OTOGL: variants seen among roughly 807,000 people sequenced by gnomAD.
The protein encoded by OTOGL is otogelin like.
In OTOGL, 285 loss-of-function variants were observed where a neutral mutation model predicts 318.5. The observed-to-expected ratio is 0.89, with a 90% CI of 0.81 to 0.99. The LOEUF (loss-of-function observed/expected upper bound fraction) is 0.99, where lower values mean the gene tolerates loss of function less well. Ranked by LOEUF, OTOGL falls within the 50% of genes least tolerant of loss-of-function variation. OTOGL has a pLI of 0.00. For synonymous variants in OTOGL, 987 were observed against 936.5 expected, an observed-to-expected ratio of 1.05 and a Z score of -0.99; for missense variants, 2,899 against 2,845.6, an observed-to-expected ratio of 1.02 and a Z score of -0.43.
At chr12:80,135,240 T>C (rs1871476920) in intron 1 of OTOGL, among the ~76,000 whole-genome samples, 1 of 112,334 alleles carries the variant, frequency 8.9e-6, no homozygotes, top group Non-Finnish European at 2.0e-5. Flanking sequence ...ATTTTTTATT[T>C]CTTGAGCCCC....
chr12:80,362,741 G>A (rs1257717913), intron 52 of OTOGL, among the ~76,000 whole-genome samples: 2 of 152,110 alleles, frequency 1.3e-5, no homozygotes, highest in Non-Finnish European at 2.9e-5. Flanking sequence ...AAGCTTGGAA[G>A]AATGTGATAG....
intron 17 of OTOGL, among the ~76,000 whole-genome samples, chr12:80,257,347 A>G (rs1168533658): frequency 6.6e-6 from 1 of 151,294 alleles, no homozygotes; most frequent in Non-Finnish European, 1.5e-5. Flanking sequence ...AACAGTGTAG[A>G]AGTGACTTTG....
Position 80,276,316 on chromosome 12 carries a change from A to T in OTOGL, c.2682-1852A>T, listed in dbSNP as rs993376085. On this transcript the variant is annotated intron_variant, in intron 24 of 58. Coordinates refer to ENST00000547103, the MANE Select transcript of OTOGL (RefSeq NM_001378609.3). Reference sequence around the variant, plus strand: ...ATTAGATAATAATAGAATCTACCTTAGGGGACTGTCACTAGGATAAGATCA... The same window carrying T: ...ATTAGATAATAATAGAATCTACCTTTGGGGACTGTCACTAGGATAAGATCA... 1.1e-4 allele frequency among the ~76,000 whole-genome samples: 16 copies of T among 151,936 alleles called. 1 individual carries two copies. Among genetic ancestry groups the T allele is most frequent in the African/African-American group, 3.9e-4 (16 of 41,518 alleles).
chr12:80,135,258 C>CCCTCT, intron 1 of OTOGL, among the ~76,000 whole-genome samples: 1 of 106,270 alleles, frequency 9.4e-6, no homozygotes, highest in Non-Finnish European at 2.0e-5. Context: ...CCCTCCCCTC[C>CCCTCT]CCTCCCCTCC....
chr12:80,229,832 G>T (rs1460014042), intron 8 of OTOGL, among the ~76,000 whole-genome samples: 1 of 152,018 alleles, frequency 6.6e-6, no homozygotes, highest in Non-Finnish European at 1.5e-5. Flanking sequence ...AATGGGTTTT[G>T]GGTGTCACTT....
chr12:80,372,132 T>A, intron 57 of OTOGL, 68 bp downstream of exon 57: 1 of 1,111,812 alleles, frequency 9.0e-7, no homozygotes, highest in Admixed American at 3.0e-5. Flanking sequence ...TGATTATGGT[T>A]TTTCTCACAA....
chr12:80,118,682 A>G (rs1401347408), intron 1 of OTOGL, among the ~76,000 whole-genome samples: 1 of 152,188 alleles, frequency 6.6e-6, no homozygotes, highest in African/African-American at 2.4e-5. Context: ...TACTAATAAC[A>G]GAGTTGGAGA....
intron 43 of OTOGL, 32 bp downstream of exon 43, chr12:80,339,296 CTGTTTTTTTT>C: frequency 2.3e-6 from 1 of 434,296 alleles, no homozygotes; most frequent in Non-Finnish European, 3.3e-6. Context: ...TTGATTTCGT[CTGTTTTTTTT>C]TTTTTTTTTT....
At chr12:80,312,035 A>G (rs952048118) in intron 30 of OTOGL, among the ~76,000 whole-genome samples, 5 of 152,222 alleles carry the variant, frequency 3.3e-5, no homozygotes, top group African/African-American at 1.2e-4. Flanking sequence ...AGGGCGAAAT[A>G]AAAAACAATT....
chr12:80,149,882 G>A (rs1043838832), intron 1 of OTOGL, among the ~76,000 whole-genome samples: 1 of 152,148 alleles, frequency 6.6e-6, no homozygotes, highest in African/African-American at 2.4e-5. Flanking sequence ...TGCACTTCCC[G>A]AGTGAGGCAA....
At chr12:80,343,295 C>A (rs1888903186) in intron 44 of OTOGL, among the ~76,000 whole-genome samples, 1 of 152,010 alleles carries the variant, frequency 6.6e-6, no homozygotes, top group Non-Finnish European at 1.5e-5. Context: ...GTTCCAGGAC[C>A]TTCACAGATA....
Position 80,265,221 on chromosome 12 carries a change from T to A in OTOGL, c.2224+11T>A. On this transcript the variant is annotated intron_variant, in intron 20 of 58. Transcript: ENST00000547103. The stretch of plus-strand genomic sequence containing the variant: ...AGATTTCTTTCTGTGGTGAGTACAA[T>A]GGCACAGATAAAGACTATCAGATAA... 1 of 1,605,972 alleles carries A rather than the reference T, an allele frequency of 6.2e-7. No homozygotes were observed.
chr12:80,249,615 T>C (rs1481881308), intron 11 of OTOGL, among the ~76,000 whole-genome samples: 2 of 152,012 alleles, frequency 1.3e-5, no homozygotes, highest in Non-Finnish European at 2.9e-5. Context: ...CTGCTGTCTT[T>C]TTGTTTGTCT....
chr12:80,312,355 G>A (rs1565976188), intron 30 of OTOGL, among the ~76,000 whole-genome samples: 1 of 152,114 alleles, frequency 6.6e-6, no homozygotes, highest in African/African-American at 2.4e-5. Flanking sequence ...ATGTAAAACA[G>A]TGCACTCTTT....
At chr12:80,342,281 G>A in intron 44 of OTOGL, 119 bp downstream of exon 44, 1 of 710,114 alleles carries the variant, frequency 1.4e-6, no homozygotes, top group Admixed American at 3.2e-5. Flanking sequence ...CCAACCTTCT[G>A]TCAGTATGCT....
chr12:80,356,543 T>C, intron 48 of OTOGL, 23 bp downstream of exon 48: 1 of 1,517,546 alleles, frequency 6.6e-7, no homozygotes, highest in Non-Finnish European at 9.0e-7. Context: ...TATAGAAAAT[T>C]AAGAGTGAGG....
intron 29 of OTOGL, among the ~76,000 whole-genome samples, chr12:80,309,605 T>C (rs1747733768): frequency 6.6e-6 from 1 of 152,206 alleles, no homozygotes; most frequent in African/African-American, 2.4e-5. Flanking sequence ...GCTAGAAATA[T>C]TAAGTCAGTA....
At chr12:80,162,003 C>T (rs1873545479) in intron 1 of OTOGL, among the ~76,000 whole-genome samples, 1 of 152,110 alleles carries the variant, frequency 6.6e-6, no homozygotes, top group Admixed American at 6.6e-5. Context: ...AGAACAGAAA[C>T]TGCTATTTTC....
intron 26 of OTOGL, among the ~76,000 whole-genome samples, chr12:80,288,619 TC>T (rs1323914686): frequency 2.6e-5 from 4 of 152,022 alleles, no homozygotes; most frequent in African/African-American, 9.7e-5. Flanking sequence ...TCTGATCTTG[TC>T]TTCACACTTT....
Sources: gnomAD v4.1 joint callset for allele counts (sites outside exome capture counted in the v4.1 genomes callset) on GRCh38, gnomAD v4.1.1 for gene constraint, MANE v1.5 for transcripts, NCBI Gene and HGNC (gene_info 2026-07-23, HGNC 2026-07-21) for gene names.